The following DST variants were observed in gnomAD, a reference collection of about 807,000 sequenced individuals.
DST encodes bullous pemphigoid antigen.
DST carries 253 observed loss-of-function variants against 875.2 expected under a neutral mutation model. That is an observed-to-expected ratio of 0.29 (90% confidence interval 0.26 to 0.32). The LOEUF is 0.32. DST is among the 10% of genes least tolerant of loss of function. The pLI is 1.00. For synonymous variants in DST, 3,124 were observed against 3,197.1 expected (o/e 0.98, Z 0.77); for missense variants, 8,287 against 9,111.6 (o/e 0.91, Z 3.68).
At chr6:56,838,579 T>G (rs2099796412) in intron 4 of DST, among the ~76,000 whole-genome samples, 1 of 151,290 alleles carries the variant, frequency 6.6e-6, no homozygotes, top group African/African-American at 2.4e-5. Context: ...AACCTAGAAG[T>G]TTTAAAAAGC....
At chr6:56,761,740 G>A (rs1269317757) in intron 4 of DST, among the ~76,000 whole-genome samples, 1 of 151,764 alleles carries the variant, frequency 6.6e-6, no homozygotes, top group Non-Finnish European at 1.5e-5. Flanking sequence ...TCACAACTGT[G>A]CTCAAATTTC....
At chr6:56,564,667 C>T (rs1157801837) in intron 55 of DST, among the ~76,000 whole-genome samples, 1 of 152,330 alleles carries the variant, frequency 6.6e-6, no homozygotes, top group East Asian at 1.9e-4. Flanking sequence ...AAAGGGAACG[C>T]TTCCAGCTTT....
chr6:56,852,143 C>A, intron 3 of DST: 1 of 893,640 alleles, frequency 1.1e-6, no homozygotes. Flanking sequence ...AGCCCCTGTC[C>A]TCTTTATTTA....
At chr6:56,764,097 G>GCGCACACA (rs2099626028) in intron 4 of DST, among the ~76,000 whole-genome samples, 1 of 141,926 alleles carries the variant, frequency 7.0e-6, no homozygotes, top group African/African-American at 2.7e-5. Context: ...AAGTGCACAT[G>GCGCACACA]CACACACACA....
chr6:56,870,776 G>T (rs1776719439), intron 3 of DST, among the ~76,000 whole-genome samples: 2 of 151,874 alleles, frequency 1.3e-5, no homozygotes, highest in African/African-American at 4.8e-5. Context: ...ATGAAACAAG[G>T]CCCCACTGGT....
intron 92 of DST, among the ~76,000 whole-genome samples, chr6:56,475,158 CTTA>C (rs1359860366): frequency 2.0e-5 from 3 of 151,656 alleles, no homozygotes; most frequent in East Asian, 3.9e-4. Context: ...TCTCCTTGGG[CTTA>C]TTATTATTAT....
rs183652322 is a variant in DST, at chr6:56,504,497, C to T, written c.19465-399G>A. On this transcript the variant is annotated intron_variant, in intron 77 of 103. Transcript: ENST00000680361. Reference sequence around the variant, plus strand: ...GTTCATTCAAATAAGCAAGAAATTACTGTTTAGAACTTAGGCAAAATATTT... The same window carrying T: ...GTTCATTCAAATAAGCAAGAAATTATTGTTTAGAACTTAGGCAAAATATTT... Among the ~76,000 whole-genome samples the T allele has an allele frequency of 2.9e-3, 444 of 152,186 alleles. 1 individual carries two copies. The highest frequency in any genetic ancestry group is 0.01 in the African/African-American group (424 of 41,550).
Position 56,628,008 on chromosome 6 carries a change from A to C in DST, c.4629T>G (p.Asn1543Lys). 1 of 1,613,808 alleles carries C rather than the reference A, an allele frequency of 6.2e-7. No individual in the cohort carries two copies. The highest frequency in any genetic ancestry group is 8.5e-7 in the Non-Finnish European group (1 of 1,179,748). ...ENSKTLATQL[N>K]QQKMLVSEIE... ...AATTATTTTTACATACCTTCTGTTG[A>C]TTCAACTGTGTGGCTAGGGTTTTAC... Residue 1543 changes from asparagine (N) to lysine (K), a missense_variant, in exon 33 of 104, where the codon AAT becomes AAG. Transcript: ENST00000680361.
chr6:56,947,606 GT>G (rs1471852171), intron 2 of DST, among the ~76,000 whole-genome samples: 1 of 152,166 alleles, frequency 6.6e-6, no homozygotes, highest in African/African-American at 2.4e-5. Context: ...ATAAAATAAT[GT>G]TATGTCAAAG....
At chr6:56,559,153 A>G (rs1433730679) in intron 58 of DST, among the ~76,000 whole-genome samples, 3 of 152,174 alleles carry the variant, frequency 2.0e-5, no homozygotes, top group Admixed American at 1.3e-4. Context: ...GACATTTTCC[A>G]GTCAAACACA....
chr6:56,598,006 C>A lies in DST; in HGVS notation c.11929G>T (p.Val3977Leu). 1 of 1,580,604 alleles carries A rather than the reference C, an allele frequency of 6.3e-7. No individual in the cohort carries two copies. Among genetic ancestry groups the A allele is most frequent in the Non-Finnish European group, 8.6e-7 (1 of 1,161,896 alleles). Residue 3977 changes from valine to leucine, a missense_variant and splice_region_variant, in exon 47 of 104, where the codon GTA becomes TTA. Val to Leu is a conservative substitution (Grantham distance 32). Around this residue, in one of 10 missense-constraint regions of DST, gnomAD observed 1,513 missense variants for 1,677.8 expected, o/e 0.90. Transcript: ENST00000680361. ...TCTTCCAGCTGCTTCACTGCTGCTA[C>A]CTGGGAAGGGAAAGTTCACAGGAGG... ...TTAIKEETEK[V>L]AAVKQLEESK...
intron 4 of DST, among the ~76,000 whole-genome samples, chr6:56,822,378 A>G (rs2153048429): frequency 6.6e-6 from 1 of 152,292 alleles, no homozygotes; most frequent in East Asian, 1.9e-4. Context: ...AGGGGGAGGC[A>G]GCAGTTCTCC....
intron 85 of DST, among the ~76,000 whole-genome samples, chr6:56,490,211 T>C (rs2095690552): frequency 6.6e-6 from 1 of 152,190 alleles, no homozygotes; most frequent in African/African-American, 2.4e-5. Flanking sequence ...TGGTTTTATA[T>C]GACTGAGCAG....
chr6:56,583,737 A>G lies in DST; in HGVS notation c.12904-4800T>C, dbSNP rs954599879. Among the ~76,000 whole-genome samples, 825 of 152,228 alleles carry G rather than the reference A, an allele frequency of 5.4e-3. 1 individual carries two copies. The highest frequency in any genetic ancestry group is 9.6e-3 in the Non-Finnish European group (656 of 67,996). ...GGGTTTTTATGGTTTTAGGTCTAAC[A>G]TTTAAGTATTTAATCCATCTTGAAT... On this transcript the variant is annotated intron_variant, in intron 49 of 103. Coordinates refer to ENST00000680361, the MANE Select transcript of DST (RefSeq NM_001374736.1).
intron 92 of DST, among the ~76,000 whole-genome samples, chr6:56,475,847 C>T (rs1379760326): frequency 1.3e-5 from 2 of 152,030 alleles, no homozygotes; most frequent in Admixed American, 6.5e-5. Flanking sequence ...AGGATAACAC[C>T]TAAGGAGTAA....
At chr6:56,907,655 A>G (rs1234548629) in intron 2 of DST, among the ~76,000 whole-genome samples, 1 of 152,250 alleles carries the variant, frequency 6.6e-6, no homozygotes, top group Non-Finnish European at 1.5e-5. Flanking sequence ...TTAATCTTCT[A>G]CATGTATCCA....
intron 5 of DST, among the ~76,000 whole-genome samples, chr6:56,731,665 G>A (rs530180156): frequency 3.1e-4 from 47 of 152,082 alleles, no homozygotes; most frequent in African/African-American, 1.1e-3. Context: ...GTTGTATTTC[G>A]CTGTTTGGAT....
chr6:56,619,441 T>C (rs2152736998), intron 36 of DST: 1 of 1,612,320 alleles, frequency 6.2e-7, no homozygotes, highest in South Asian at 1.1e-5. Context: ...CAAATTGTTC[T>C]TTTAGATGAT....
At position 56,517,288 on chromosome 6, in the gene DST, A is replaced by C. The variant is rs2096612923; in HGVS notation, c.18267T>G (p.Ile6089Met). 1 of 1,612,436 alleles carries C rather than the reference A, an allele frequency of 6.2e-7. No individual in the cohort carries two copies. Among genetic ancestry groups the C allele is most frequent in the Admixed American group, 1.7e-5 (1 of 59,990 alleles). Residue 6089 changes from isoleucine to methionine, a missense_variant, in exon 71 of 104, where the codon ATT (isoleucine) becomes ATG (methionine). Transcript: ENST00000680361. The part of the protein sequence containing the change: ...LQVQKTFTME[I>M]LRHKDIIDDL... Reference sequence around the variant, plus strand: ...CATCAATAATATCCTTGTGTCTCAAAATCTCCATGGTGAATGTCTGTGATT... The same window carrying C: ...CATCAATAATATCCTTGTGTCTCAACATCTCCATGGTGAATGTCTGTGATT...
Sources: gnomAD v4.1 joint callset for allele counts (sites outside exome capture counted in the v4.1 genomes callset) on GRCh38, gnomAD v4.1.1 for gene constraint, gnomAD v4.1.1 regional missense constraint, MANE v1.5 for transcripts, NCBI Gene and HGNC (gene_info 2026-07-23, HGNC 2026-07-21) for gene names.